PCDH15: variants seen among roughly 807,000 people sequenced by gnomAD.
PCDH15 encodes protocadherin related 15, also known as protocadherin-15.
Under a neutral mutation model 178.5 loss-of-function variants are expected in PCDH15, and 129 were observed. That is an observed-to-expected ratio of 0.72 (90% CI 0.63 to 0.84). The LOEUF (loss-of-function observed/expected upper bound fraction) is 0.84. PCDH15 is among the 40% of genes least tolerant of loss of function. The pLI, the probability that PCDH15 is intolerant of heterozygous loss-of-function variation, is 0.00. For missense variants in PCDH15, 2,230 were observed against 2,099.9 expected (o/e 1.06, Z -1.21); for synonymous variants, 800 against 732.0 (o/e 1.09, Z -1.50).
intron 2 of PCDH15, among the ~76,000 whole-genome samples, chr10:55,039,104 T>C (rs1840805484): frequency 6.6e-6 from 1 of 151,994 alleles, no homozygotes. Flanking sequence ...ATATTCCCTC[T>C]CTCCATACCT....
Position 53,844,167 on chromosome 10 carries a change from A to C in PCDH15, c.3807-3671T>G, listed in dbSNP as rs1421849705. ...AGCAGATCACGTGGGGACTTTGAGG[A>C]TTGTAAGAGCATTGTTTTTTGTTCT... On this transcript the variant is annotated intron_variant, in intron 28 of 37. Coordinates refer to ENST00000644397, the MANE Select transcript of PCDH15 (RefSeq NM_001384140.1). Among the ~76,000 whole-genome samples the C allele has an allele frequency of 3.3e-5, 5 of 152,120 alleles. No individual in the cohort carries two copies. In the East Asian group the frequency reaches 9.7e-4, roughly 29 times the overall value.
At chr10:53,883,023 T>A (rs1241960901) in intron 26 of PCDH15, among the ~76,000 whole-genome samples, 1 of 152,066 alleles carries the variant, frequency 6.6e-6, no homozygotes, top group Non-Finnish European at 1.5e-5. Flanking sequence ...TTCCTTTATG[T>A]TTTTTTGATG....
chr10:54,242,264 C>G (rs7077036), intron 8 of PCDH15, among the ~76,000 whole-genome samples: 5,069 of 143,288 alleles, frequency 0.035, 221 homozygotes, highest in African/African-American at 0.11. Context: ...GATTAAGAAG[C>G]CTTTTTGTAG....
chr10:53,827,296 A>C (rs2076743151), intron 32 of PCDH15, 97 bp downstream of exon 32: 3 of 1,433,816 alleles, frequency 2.1e-6, no homozygotes, highest in Non-Finnish European at 2.8e-6. Flanking sequence ...TAAATAGTCC[A>C]TGTAGGCATT....
At chr10:53,873,697 A>G (rs961812535) in intron 26 of PCDH15, among the ~76,000 whole-genome samples, 26 of 152,226 alleles carry the variant, frequency 1.7e-4, no homozygotes, top group African/African-American at 6.0e-4. Context: ...AAGACAATAA[A>G]TATGCCAGTC....
At chr10:54,560,305 G>C (rs866642427) in intron 2 of PCDH15, among the ~76,000 whole-genome samples, 3 of 151,864 alleles carry the variant, frequency 2.0e-5, no homozygotes, top group African/African-American at 7.3e-5. Context: ...GTTATGTATC[G>C]GCCTAGATAG....
chr10:54,838,685 C>T lies in PCDH15; in HGVS notation c.-29+58765G>A, dbSNP rs1035160831. Among the ~76,000 whole-genome samples, 4 of 152,260 alleles carry T rather than the reference C, an allele frequency of 2.6e-5. No individual in the cohort carries two copies. The East Asian group carries it at 7.8e-4, about 30-fold the overall frequency. On this transcript the variant is annotated intron_variant, in intron 3 of 5. Coordinates refer to the PCDH15 transcript ENST00000458638. ...GTAACCCAGATACAAACCTACGCAG[C>T]TGCAGTCTAGGAGTACATCTTCCCA...
At chr10:55,217,901 C>CT (rs1169191031) in intron 1 of PCDH15, among the ~76,000 whole-genome samples, 2 of 151,832 alleles carry the variant, frequency 1.3e-5, no homozygotes, top group Non-Finnish European at 2.9e-5. Context: ...AGTCTAACAG[C>CT]TTTTTTGTAA....
intron 3 of PCDH15, among the ~76,000 whole-genome samples, chr10:54,890,974 G>T (rs1465775756): frequency 6.6e-6 from 1 of 151,942 alleles, no homozygotes; most frequent in Non-Finnish European, 1.5e-5. Flanking sequence ...ACACTCAAAA[G>T]GATGAGCAAG....
At chr10:54,158,339 G>A (rs987582503) in intron 13 of PCDH15, among the ~76,000 whole-genome samples, 11 of 152,132 alleles carry the variant, frequency 7.2e-5, no homozygotes, top group African/African-American at 2.7e-4. Context: ...CTTGCGCAGG[G>A]AAACTTCCAT....
chr10:55,408,405 T>C (rs189698089), intron 2 of PCDH15, among the ~76,000 whole-genome samples: 63 of 152,104 alleles, frequency 4.1e-4, no homozygotes, highest in African/African-American at 1.5e-3. Flanking sequence ...AGGCTGGTCT[T>C]GAACTCCTGA....
intron 1 of PCDH15, among the ~76,000 whole-genome samples, chr10:55,222,731 A>ACATATATATATATATG (rs1491394667): frequency 3.0e-4 from 2 of 6,732 alleles, no homozygotes; most frequent in African/African-American, 5.3e-4. Context: ...ACACACACAC[A>ACATATATATATATATG]TATATATATA....
chr10:54,976,365 T>C lies in PCDH15; in HGVS notation c.-79-78865A>G, dbSNP rs189432571. ...TGTAGTTAAAAAAGAGTTTAATTAATGGTAGGCTGGTCATGCAGAAGAAGG... is the reference window on the plus strand; with the variant it reads ...TGTAGTTAAAAAAGAGTTTAATTAACGGTAGGCTGGTCATGCAGAAGAAGG... On this transcript the variant is annotated intron_variant, in intron 2 of 5. Coordinates refer to the PCDH15 transcript ENST00000458638. Among the ~76,000 whole-genome samples the C allele has an allele frequency of 5.3e-4, 80 of 152,190 alleles. 1 individual carries two copies. The highest frequency in any genetic ancestry group is 1.9e-3 in the African/African-American group (79 of 41,556).
intron 8 of PCDH15, among the ~76,000 whole-genome samples, chr10:54,264,358 C>CAG (rs2057530751): frequency 1.3e-5 from 2 of 152,204 alleles, no homozygotes; most frequent in South Asian, 4.1e-4. Context: ...TACAAAAAGC[C>CAG]AGAGTGTTTT....
intron 1 of PCDH15, among the ~76,000 whole-genome samples, chr10:55,218,299 A>G (rs1315231219): frequency 6.6e-6 from 1 of 152,000 alleles, no homozygotes; most frequent in East Asian, 1.9e-4. Context: ...AGTGAAATCT[A>G]TGGAGTACAT....
chr10:54,706,913 C>T (rs898462892), intron 1 of PCDH15, among the ~76,000 whole-genome samples: 4 of 152,136 alleles, frequency 2.6e-5, no homozygotes, highest in Non-Finnish European at 4.4e-5. Context: ...TGAGCCATGG[C>T]GCCCAGCCAG....
In PCDH15 at chr10:54,317,358, T is replaced by C. The variant is rs1221887715; in HGVS notation, c.789A>G (p.Pro263=). The C allele has an allele frequency of 1.9e-6, 3 of 1,613,838 alleles. No individual in the cohort carries two copies. Among genetic ancestry groups the C allele is most frequent in the African/African-American group, 1.3e-5 (1 of 74,896 alleles). ...GCACAAGGACACAAGGAAGAAACAT[T>C]GGACCCAAGTCATCTCCATCCAGAA... is the stretch of plus-strand genomic sequence containing the variant. ...VDVLDGDDLG[P]MFLPCVLVPN... The change falls in exon 8 of 38, where the codon CCA becomes CCG. Residue 263 remains proline (P), a synonymous_variant. Transcript: ENST00000644397.
intron 3 of PCDH15, among the ~76,000 whole-genome samples, chr10:54,840,358 A>C (rs933492505): frequency 8.5e-5 from 13 of 152,108 alleles, no homozygotes; most frequent in African/African-American, 3.1e-4. Context: ...AATTTAGTTA[A>C]GTTGCTATCA....
intron 2 of PCDH15, among the ~76,000 whole-genome samples, chr10:55,499,718 T>A (rs2132137787): frequency 6.6e-6 from 1 of 151,888 alleles, no homozygotes; most frequent in African/African-American, 2.4e-5. Context: ...CTGTTCAATT[T>A]GCAATGTTTT....
Sources: gnomAD v4.1 joint callset for allele counts (sites outside exome capture counted in the v4.1 genomes callset) on GRCh38, gnomAD v4.1.1 for gene constraint, MANE v1.5 for transcripts, NCBI Gene and HGNC (gene_info 2026-07-23, HGNC 2026-07-21) for gene names.